Variants in ZNF487 observed in about 807,000 individuals in gnomAD.
The protein encoded by ZNF487 is zinc finger protein 487, also known as KRAB domain only 1.
Under a neutral mutation model 3.0 loss-of-function variants are expected in ZNF487, and 4 were observed. That is an observed-to-expected ratio of 1.35 (90% CI 0.66 to 3.08). The LOEUF (loss-of-function observed/expected upper bound fraction) is 3.08. Among genes scored for constraint, ZNF487 ranks in the 30% most tolerant of loss-of-function variants. The probability of loss-of-function intolerance (pLI) is 0.01; values close to 1 mark genes in which losing one functional copy is unlikely to be tolerated. For missense variants in ZNF487, 146 were observed against 98.7 expected, an observed-to-expected ratio of 1.48 and a Z score of -2.03; for synonymous variants, 55 against 34.6, an observed-to-expected ratio of 1.59 and a Z score of -2.06.
the ZNF487 span, among the ~76,000 whole-genome samples, chr10:43,493,560 G>A: frequency 2.0e-5 from 3 of 151,478 alleles, no homozygotes; most frequent in African/African-American, 4.9e-5. Flanking sequence ...GTGTGGTGAT[G>A]CATGCTCGTA....
chr10:43,482,258 T>C lies in ZNF487; in HGVS notation c.*336T>C. 1 of 403,410 alleles carries C rather than the reference T, an allele frequency of 2.5e-6. No homozygotes were observed. The highest frequency in any genetic ancestry group is 4.7e-6 in the Non-Finnish European group (1 of 213,034). 25.0% of individuals were successfully genotyped at this position (403,410 alleles called of 1,614,324 possible). A position where few individuals can be genotyped will look rare whatever the true frequency, so the allele number is the denominator to read the frequency against. On this transcript the variant is annotated 3_prime_UTR_variant, in exon 4 of 4. Transcript: ENST00000437590. ...AAAGAATGCCTATAAAATTAATCAG[T>C]ATGCTAGTACATTTTGCTGTAAGCC...
chr10:43,463,055 A>C (rs1236630603), intron 1 of ZNF487, among the ~76,000 whole-genome samples: 1 of 148,584 alleles, frequency 6.7e-6, no homozygotes, highest in South Asian at 2.1e-4. Flanking sequence ...ACCAACATGG[A>C]GAAACCCTGT....
chr10:43,436,951 G>C (rs1292942038), upstream of ZNF487: 1 of 463,006 alleles, frequency 2.2e-6, no homozygotes, highest in Non-Finnish European at 4.5e-6. Flanking sequence ...AGTCCGGCCA[G>C]CGGACAAGAG....
At chr10:43,491,033 C>G in the ZNF487 span, among the ~76,000 whole-genome samples, 3 of 137,182 alleles carry the variant, frequency 2.2e-5, no homozygotes, top group East Asian at 6.4e-4. Flanking sequence ...GGGGCATGAT[C>G]TCGGCTCACT....
intron 1 of ZNF487, among the ~76,000 whole-genome samples, chr10:43,445,828 C>A (rs1231269470): frequency 1.3e-5 from 2 of 152,134 alleles, no homozygotes; most frequent in African/African-American, 2.4e-5. Context: ...ACCCTGCGGC[C>A]TTCCGCAGTG....
intron 1 of ZNF487, among the ~76,000 whole-genome samples, chr10:43,445,370 T>G (rs1839760261): frequency 6.6e-6 from 1 of 152,220 alleles, no homozygotes; most frequent in African/African-American, 2.4e-5. Context: ...CTTGCCTGTT[T>G]GCATGCCTGG....
At chr10:43,466,735 C>T (rs551048422) in intron 1 of ZNF487, among the ~76,000 whole-genome samples, 2 of 152,246 alleles carry the variant, frequency 1.3e-5, no homozygotes, top group East Asian at 3.9e-4. Context: ...TTATTGAGTC[C>T]TAATGTTCAG....
intron 1 of ZNF487, among the ~76,000 whole-genome samples, chr10:43,468,140 G>A (rs1840772814): frequency 6.6e-6 from 1 of 152,194 alleles, no homozygotes; most frequent in Non-Finnish European, 1.5e-5. Context: ...GCAATCTTAT[G>A]TTAGAACTTG....
intron 3 of ZNF487, among the ~76,000 whole-genome samples, chr10:43,477,938 G>A (rs1841164758): frequency 6.6e-6 from 1 of 150,462 alleles, no homozygotes; most frequent in African/African-American, 2.4e-5. Context: ...TGACAAGAGC[G>A]AGACTCCATC....
At chr10:43,465,772 T>C (rs910991908) in intron 1 of ZNF487, among the ~76,000 whole-genome samples, 1 of 152,012 alleles carries the variant, frequency 6.6e-6, no homozygotes, top group Non-Finnish European at 1.5e-5. Context: ...CGCTCCTCAC[T>C]TCCCAGATGG....
chr10:43,495,528 G>T, the ZNF487 span, among the ~76,000 whole-genome samples: 58 of 152,240 alleles, frequency 3.8e-4, no homozygotes, highest in Middle Eastern at 6.8e-3. Context: ...ACAGGTGTGA[G>T]CCACCGCACC....
At chr10:43,511,987 TA>T in the ZNF487 span, among the ~76,000 whole-genome samples, 1 of 152,162 alleles carries the variant, frequency 6.6e-6, no homozygotes, top group African/African-American at 2.4e-5. Context: ...TACAGCCAAT[TA>T]ATCAATATAT....
At chr10:43,499,882 C>CATTTT in the ZNF487 span, among the ~76,000 whole-genome samples, 2 of 151,978 alleles carry the variant, frequency 1.3e-5, no homozygotes, top group Admixed American at 6.6e-5. Flanking sequence ...TCATCTATTT[C>CATTTT]ATTTTATTTT....
chr10:43,515,845 G>A, the ZNF487 span, among the ~76,000 whole-genome samples: 1 of 152,080 alleles, frequency 6.6e-6, no homozygotes, highest in Non-Finnish European at 1.5e-5. Context: ...TGCAATCTCG[G>A]CTCACTGCAA....
intron 1 of ZNF487, among the ~76,000 whole-genome samples, chr10:43,442,227 C>A (rs1356746394): frequency 2.0e-5 from 3 of 150,728 alleles, no homozygotes; most frequent in African/African-American, 4.9e-5. Flanking sequence ...CAGAGGGAGA[C>A]CCTGTCTCTA....
At chr10:43,499,140 T>C in the ZNF487 span, among the ~76,000 whole-genome samples, 1 of 152,148 alleles carries the variant, frequency 6.6e-6, no homozygotes, top group Non-Finnish European at 1.5e-5. Flanking sequence ...AATGAACAAA[T>C]GCTAAAATAA....
chr10:43,458,060 A>AAC (rs949570404), intron 1 of ZNF487: 11 of 150,930 alleles, frequency 7.3e-5, no homozygotes, highest in Admixed American at 1.3e-4. Context: ...AACAAAACAA[A>AAC]AAAAAAGAGT....
At chr10:43,522,051 T>TA in the ZNF487 span, among the ~76,000 whole-genome samples, 3 of 152,214 alleles carry the variant, frequency 2.0e-5, no homozygotes, top group African/African-American at 4.8e-5. Context: ...AACAGCAGAA[T>TA]AAAACTACAT....
Position 43,479,966 on chromosome 10 carries a change from CTT to C in ZNF487, c.131-1461_131-1460del, listed in dbSNP as rs762122329. Reference sequence around the variant, plus strand: ...CCACTGCACCTGACTCTCTTTCTTTCTTTCTTTTCTTTCTTTCCTTCTTTCTT... The same window carrying C: ...CCACTGCACCTGACTCTCTTTCTTTCTCTTTTCTTTCTTTCCTTCTTTCTT... On this transcript the variant is annotated intron_variant, in intron 3 of 3. Transcript: ENST00000437590. 6.2e-5 allele frequency among the ~76,000 whole-genome samples: 3 copies of C among 48,264 alleles called. No homozygotes were observed. In the Admixed American group the frequency reaches 7.2e-4, roughly 12 times the overall value. 31.7% of individuals were successfully genotyped at this position (48,264 alleles called of 152,430 possible).
Sources: allele counts gnomAD v4.1 joint callset (sites outside exome capture counted in the v4.1 genomes callset), GRCh38; gene constraint gnomAD v4.1.1; transcripts MANE v1.5; gene names NCBI Gene and HGNC (gene_info 2026-07-23, HGNC 2026-07-21).